Variants in IL1RAPL1 observed in about 807,000 individuals in gnomAD.
The protein encoded by IL1RAPL1 is interleukin-1 receptor accessory protein-like 1.
IL1RAPL1 carries 3 observed loss-of-function variants against 48.4 expected under a neutral mutation model. The observed-to-expected ratio is 0.06, with a 90% CI of 0.03 to 0.16. The LOEUF (loss-of-function observed/expected upper bound fraction) is 0.16. Ranked by LOEUF, IL1RAPL1 falls within the 10% of genes least tolerant of loss-of-function variation. The pLI is 1.00. For missense variants in IL1RAPL1, 349 were observed against 530.6 expected, an observed-to-expected ratio of 0.66 and a Z score of 3.36; for synonymous variants, 185 against 187.7, an observed-to-expected ratio of 0.99 and a Z score of 0.12.
intron 5 of IL1RAPL1, among the ~76,000 whole-genome samples, chrX:29,618,577 C>T (rs1444910099): frequency 8.9e-6 from 1 of 111,821 alleles, no homozygotes; most frequent in Non-Finnish European, 1.9e-5. Flanking sequence ...TTCTTAGCCT[C>T]GTCTTCCCTC....
chrX:29,014,871 TC>T (rs1402739936), intron 2 of IL1RAPL1, among the ~76,000 whole-genome samples: 3 of 111,683 alleles, frequency 2.7e-5, no homozygotes, highest in African/African-American at 6.5e-5. Context: ...GTGATTATGC[TC>T]TCATGAATAT....
chrX:29,865,362 T>C (rs1358793124), intron 6 of IL1RAPL1, among the ~76,000 whole-genome samples: 2 of 111,755 alleles, frequency 1.8e-5, no homozygotes, highest in Non-Finnish European at 3.8e-5. Context: ...ATACGTTGTA[T>C]ATTGTCTAAA....
At chrX:29,585,563 G>A (rs751746170) in intron 5 of IL1RAPL1, among the ~76,000 whole-genome samples, 2 of 111,589 alleles carry the variant, frequency 1.8e-5, no homozygotes, top group Admixed American at 9.5e-5. Flanking sequence ...TGGATCATAC[G>A]GTAGTTCTAT....
intron 6 of IL1RAPL1, among the ~76,000 whole-genome samples, chrX:29,700,486 A>G (rs1257449106): frequency 1.8e-5 from 2 of 112,150 alleles, no homozygotes; most frequent in Admixed American, 1.9e-4. Flanking sequence ...TTCATTATGT[A>G]ATCAATGGAT....
chrX:28,794,737 C>A (rs1156466860), intron 2 of IL1RAPL1, among the ~76,000 whole-genome samples: 1 of 111,426 alleles, frequency 9.0e-6, no homozygotes, highest in Admixed American at 9.5e-5. Flanking sequence ...GACTCTAGGC[C>A]CAAATAATTT....
chrX:29,712,085 A>G (rs768538254), intron 6 of IL1RAPL1, among the ~76,000 whole-genome samples: 133 of 94,214 alleles, frequency 1.4e-3, no homozygotes, highest in African/African-American at 4.6e-3. Flanking sequence ...AATGATTCCA[A>G]ATTTTCTTCT....
At chrX:29,559,896 CTCTTT>C (rs1323607903) in intron 5 of IL1RAPL1, among the ~76,000 whole-genome samples, 1 of 111,269 alleles carries the variant, frequency 9.0e-6, no homozygotes, top group Non-Finnish European at 1.9e-5. Flanking sequence ...TAAAACTTTT[CTCTTT>C]TAACTTTTAT....
intron 8 of IL1RAPL1, among the ~76,000 whole-genome samples, chrX:29,932,314 A>AT (rs1932960492): frequency 8.9e-6 from 1 of 112,554 alleles, no homozygotes; most frequent in Non-Finnish European, 1.9e-5. Flanking sequence ...CACAGTATAC[A>AT]TTTTGAAAAT....
At chrX:29,413,359 T>C (rs1934170118) in intron 5 of IL1RAPL1, among the ~76,000 whole-genome samples, 1 of 111,873 alleles carries the variant, frequency 8.9e-6, no homozygotes, top group Non-Finnish European at 1.9e-5. Context: ...TATAATCTTT[T>C]TTTTATTATT....
chrX:29,643,882 C>T (rs970098272), intron 5 of IL1RAPL1, among the ~76,000 whole-genome samples: 8 of 111,913 alleles, frequency 7.1e-5, no homozygotes, highest in Non-Finnish European at 1.3e-4. Flanking sequence ...TTATGGAACA[C>T]ATTTTTTTGT....
intron 5 of IL1RAPL1, among the ~76,000 whole-genome samples, chrX:29,406,626 A>C (rs772410444): frequency 6.8e-4 from 75 of 110,929 alleles, no homozygotes; most frequent in South Asian, 3.4e-3. Context: ...GCACGAGTCT[A>C]ATACTACCGA....
chrX:29,341,876 G>A lies in IL1RAPL1; in HGVS notation c.363-54382G>A, dbSNP rs190687585. Reference sequence around the variant, plus strand: ...GGCTGGAGTGCAGTGGGATGATCTCGGCTCACGGCAACCTCTGCCTCCCGG... The same window carrying A: ...GGCTGGAGTGCAGTGGGATGATCTCAGCTCACGGCAACCTCTGCCTCCCGG... On this transcript the variant is annotated intron_variant, in intron 3 of 10. Transcript: ENST00000378993. 2.3e-3 allele frequency among the ~76,000 whole-genome samples: 258 copies of A among 110,727 alleles called. 3 individuals carry two copies. The highest frequency in any genetic ancestry group is 0.018 in the Admixed American group (191 of 10,399).
At position 29,536,558 on chromosome X, in the gene IL1RAPL1, A is replaced by G. The variant is rs184882284; in HGVS notation, c.704-131872A>G. 8.7e-4 allele frequency among the ~76,000 whole-genome samples: 97 copies of G among 111,502 alleles called. No homozygotes were observed. In the East Asian group the frequency reaches 0.023, roughly 27 times the overall value. On this transcript the variant is annotated intron_variant, in intron 5 of 10. Transcript: ENST00000378993. Reference sequence around the variant, plus strand: ...AAAAATTGTAGGATAAAATCCCATTATATCACTGGGGAAACAAATTAATAT... The same window carrying G: ...AAAAATTGTAGGATAAAATCCCATTGTATCACTGGGGAAACAAATTAATAT...
At position 29,332,691 on chromosome X, in the gene IL1RAPL1, G is replaced by A. The variant is rs1436049339; in HGVS notation, c.362+49474G>A. Reference sequence around the variant, plus strand: ...TATTGATCATTCTTGGGTGTTTCTCGCAGAGGGGGATTTGGCAGGGTCATA... The same window carrying A: ...TATTGATCATTCTTGGGTGTTTCTCACAGAGGGGGATTTGGCAGGGTCATA... On this transcript the variant is annotated intron_variant, in intron 3 of 10. Coordinates refer to ENST00000378993, the MANE Select transcript of IL1RAPL1 (RefSeq NM_014271.4). Among the ~76,000 whole-genome samples, 3 of 102,495 alleles carry A rather than the reference G, an allele frequency of 2.9e-5. No individual in the cohort carries two copies. In the Admixed American group the frequency reaches 3.2e-4, roughly 11 times the overall value. 89.0% of individuals were successfully genotyped at this position (102,495 alleles called of 115,157 possible).
intron 1 of IL1RAPL1, among the ~76,000 whole-genome samples, chrX:28,702,558 G>A (rs73630072): frequency 0.018 from 2,034 of 111,493 alleles, 41 homozygotes; most frequent in African/African-American, 0.063. Flanking sequence ...TTCCATGCTA[G>A]TGTTAACAAA....
chrX:28,816,186 T>G (rs1298970324), intron 2 of IL1RAPL1, among the ~76,000 whole-genome samples: 1 of 109,104 alleles, frequency 9.2e-6, no homozygotes, highest in Non-Finnish European at 1.9e-5. Context: ...CCCTGTCTTC[T>G]GGACAAAAGC....
intron 2 of IL1RAPL1, among the ~76,000 whole-genome samples, chrX:28,833,391 A>G (rs1466629694): frequency 1.8e-5 from 2 of 111,848 alleles, no homozygotes; most frequent in Non-Finnish European, 3.8e-5. Flanking sequence ...ATCTTTAAGA[A>G]ATCTACAAAC....
At chrX:29,909,557 T>C (rs1414821385) in intron 6 of IL1RAPL1, among the ~76,000 whole-genome samples, 1 of 111,264 alleles carries the variant, frequency 9.0e-6, no homozygotes, top group Non-Finnish European at 1.9e-5. Context: ...AAAAATAAAA[T>C]AAAATGCCTA....
chrX:29,262,341 T>C (rs981721969), intron 2 of IL1RAPL1, among the ~76,000 whole-genome samples: 12 of 111,729 alleles, frequency 1.1e-4, no homozygotes, highest in Non-Finnish European at 2.3e-4. Flanking sequence ...TTTATCCCAA[T>C]CTTTATTGCT....
Sources: allele counts gnomAD v4.1 joint callset (sites outside exome capture counted in the v4.1 genomes callset), GRCh38; gene constraint gnomAD v4.1.1; transcripts MANE v1.5; gene names NCBI Gene and HGNC (gene_info 2026-07-23, HGNC 2026-07-21).